The following MYOM1 variants were observed in gnomAD, a reference collection of about 807,000 sequenced individuals.
MYOM1 encodes the protein myomesin-1.
A neutral mutation model predicts 205.3 loss-of-function variants in MYOM1; 164 were observed. That is an observed-to-expected ratio of 0.80 (90% CI 0.70 to 0.91). The LOEUF is 0.91. MYOM1 is among the 40% of genes least tolerant of loss of function. The probability of loss-of-function intolerance (pLI) is 0.00; values close to 1 mark genes in which losing one functional copy is unlikely to be tolerated. For synonymous variants in MYOM1, 772 were observed against 789.4 expected (o/e 0.98, Z 0.37); for missense variants, 2,011 against 2,127.3 (o/e 0.95, Z 1.08).
chr18:3,169,071 G>T, intron 8 of MYOM1, 90 bp from the exon 9 acceptor site: 1 of 725,088 alleles, frequency 1.4e-6, no homozygotes, highest in Non-Finnish European at 1.9e-6. Context: ...AGCAGTCACA[G>T]CAAAAAAAAA....
intron 5 of MYOM1, 22 bp from the exon 6 acceptor site, chr18:3,176,156 A>G (rs1394858542): frequency 1.4e-6 from 2 of 1,445,322 alleles, no homozygotes; most frequent in South Asian, 2.3e-5. Context: ...TGGAAACAAA[A>G]TGAAGTAAGT....
chr18:3,123,369 G>A (rs1363712637), intron 19 of MYOM1, among the ~76,000 whole-genome samples: 3 of 151,806 alleles, frequency 2.0e-5, no homozygotes, highest in Non-Finnish European at 4.4e-5. Context: ...CTCTTTACTA[G>A]CAATAAAAAC....
chr18:3,192,006 T>C (rs1260058647), intron 3 of MYOM1, among the ~76,000 whole-genome samples: 5 of 152,176 alleles, frequency 3.3e-5, no homozygotes, highest in Non-Finnish European at 7.3e-5. Context: ...TCACGTCTTC[T>C]TTTATCACAG....
At chr18:3,245,467 A>C in the MYOM1 span, among the ~76,000 whole-genome samples, 1 of 152,248 alleles carries the variant, frequency 6.6e-6, no homozygotes, top group Admixed American at 6.5e-5. Flanking sequence ...CATAGGGTCC[A>C]AAGGATAGAA....
chr18:3,102,733 G>T, intron 22 of MYOM1, 103 bp from the exon 23 acceptor site: 1 of 1,230,770 alleles, frequency 8.1e-7, no homozygotes, highest in Non-Finnish European at 1.1e-6. Flanking sequence ...GTAGGGCCCT[G>T]ATCCTAGGTC....
At chr18:3,127,282 C>CAT (rs1241920775) in intron 18 of MYOM1, among the ~76,000 whole-genome samples, 716 of 59,452 alleles carry the variant, frequency 0.012, 27 homozygotes, top group Middle Eastern at 0.092. Flanking sequence ...TCAGAATTTC[C>CAT]ATATATATAT....
the MYOM1 span, among the ~76,000 whole-genome samples, chr18:3,242,692 A>G: frequency 6.6e-6 from 1 of 152,052 alleles, no homozygotes; most frequent in African/African-American, 2.4e-5. Flanking sequence ...TATTTTTAGT[A>G]GAGATGGGGT....
chr18:3,116,704 A>G (rs2079612003), intron 20 of MYOM1, among the ~76,000 whole-genome samples, 189 bp from the exon 21 acceptor site: 1 of 152,188 alleles, frequency 6.6e-6, no homozygotes, highest in Non-Finnish European at 1.5e-5. Flanking sequence ...ACATTAGCCC[A>G]CTGAGTCCCT....
At chr18:3,162,583 A>G (rs116693990) in intron 10 of MYOM1, among the ~76,000 whole-genome samples, 2,579 of 152,278 alleles carry the variant, frequency 0.017, 77 homozygotes, top group African/African-American at 0.058. Context: ...TGCCTCTACT[A>G]GATCTCTTCT....
Position 3,099,987 on chromosome 18 carries a change from A to T in MYOM1, c.3727+172T>A, listed in dbSNP as rs528971257. ...CTTGGTATCTCTGGAGAACAACCGC[A>T]AAGGAAAAGGCATCACTTCTAGAAA... is the stretch of plus-strand genomic sequence containing the variant. On this transcript the variant is annotated intron_variant, in intron 25 of 37. Coordinates refer to ENST00000356443, the MANE Select transcript of MYOM1 (RefSeq NM_003803.4). 3.9e-5 allele frequency among the ~76,000 whole-genome samples: 6 copies of T among 152,286 alleles called. No individual in the cohort carries two copies. The East Asian group carries it at 9.7e-4, about 25-fold the overall frequency.
rs146222497 is a variant in MYOM1 at position 3,176,860 on chromosome 18, C to T, written c.930-726G>A. Among the ~76,000 whole-genome samples, 117 of 151,408 alleles carry T rather than the reference C, an allele frequency of 7.7e-4. 1 individual carries two copies. The East Asian group carries it at 0.02, about 26-fold the overall frequency. On this transcript the variant is annotated intron_variant, in intron 5 of 37. Transcript: ENST00000356443. Reference sequence around the variant, plus strand: ...TTGTGCCACTGCACTCCAGCCTGGGCGACGGAGTGAGACTCCATCTCGAAA... The same window carrying T: ...TTGTGCCACTGCACTCCAGCCTGGGTGACGGAGTGAGACTCCATCTCGAAA...
In MYOM1 at chr18:3,179,012, T is replaced by A. The variant is rs987587513; in HGVS notation, c.930-2878A>T. Among the ~76,000 whole-genome samples, 9 of 152,054 alleles carry A rather than the reference T, an allele frequency of 5.9e-5. No homozygotes were observed. Among genetic ancestry groups the A allele is most frequent in the African/African-American group, 1.9e-4 (8 of 41,396 alleles). ...ACTACCAAGTAGCTGGGACTACAAG[T>A]GTGCACCACCACACTCAGCTAATTT... On this transcript the variant is annotated intron_variant, in intron 5 of 37. Transcript: ENST00000356443. This position sits in a 1 kb window ranked among gnomAD's most constrained non-coding sequence, Gnocchi z 4.4.
intron 2 of MYOM1, among the ~76,000 whole-genome samples, chr18:3,214,518 C>T (rs145688746): frequency 3.2e-4 from 49 of 152,232 alleles, no homozygotes; most frequent in African/African-American, 1.1e-3. Context: ...GCAGGGCTGC[C>T]GTATTTAAGA....
Position 3,135,885 on chromosome 18 carries a change from T to C in MYOM1, c.2026-155A>G, listed in dbSNP as rs2079952114. Among the ~76,000 whole-genome samples the C allele has an allele frequency of 6.6e-6, 1 of 152,140 alleles. No individual in the cohort carries two copies. The highest frequency in any genetic ancestry group is 1.5e-5 in the Non-Finnish European group (1 of 68,024). ...TGAGGAGGAAATAGGGGATGAGGCA[T>C]CTGAAGTTCGTAGGATTCTCTAAAT... On this transcript the variant is annotated intron_variant, in intron 14 of 37. Transcript: ENST00000356443. The surrounding 1 kb of genome is among the most constrained non-coding windows in gnomAD (Gnocchi z 4.1).
intron 10 of MYOM1, among the ~76,000 whole-genome samples, chr18:3,163,289 A>T (rs2080420556): frequency 1.3e-5 from 2 of 152,208 alleles, no homozygotes; most frequent in African/African-American, 4.8e-5. Flanking sequence ...GATGGCTGGT[A>T]TCATTAGGAT....
chr18:3,088,466 G>A (rs2079181997), intron 29 of MYOM1, among the ~76,000 whole-genome samples: 1 of 152,102 alleles, frequency 6.6e-6, no homozygotes, highest in Non-Finnish European at 1.5e-5. Context: ...AGTAGACACT[G>A]GGGCACTTGG....
intron 34 of MYOM1, among the ~76,000 whole-genome samples, chr18:3,076,131 C>T (rs946011064): frequency 3.3e-5 from 5 of 152,018 alleles, no homozygotes; most frequent in African/African-American, 7.3e-5. Context: ...GGTGCAATCT[C>T]GGCTCACTGC....
At position 3,187,425 on chromosome 18, in the gene MYOM1, A is replaced by G. The variant is rs9953200; in HGVS notation, c.929+55T>C. On this transcript the variant is annotated intron_variant, in intron 5 of 37. Coordinates refer to ENST00000356443, the MANE Select transcript of MYOM1 (RefSeq NM_003803.4). ...TGGTTGTTCTGTGTGTTTCCACTAG[A>G]GGCGAACTTAACTTGGTGTAATGAA... The G allele has an allele frequency of 3.9e-3, 6,105 of 1,578,216 alleles. 188 individuals are homozygous for G. In the African/African-American group the frequency reaches 0.066, roughly 17 times the overall value.
At chr18:3,111,239 G>T (rs2143796958) in intron 22 of MYOM1, among the ~76,000 whole-genome samples, 1 of 149,702 alleles carries the variant, frequency 6.7e-6, no homozygotes, top group East Asian at 2.0e-4. Context: ...ACAGTGCCTG[G>T]CCTCCGGTGC....
Sources: allele counts gnomAD v4.1 joint callset (sites outside exome capture counted in the v4.1 genomes callset), GRCh38; gene constraint gnomAD v4.1.1; non-coding constraint Gnocchi (gnomAD v3.1); transcripts MANE v1.5; gene names NCBI Gene and HGNC (gene_info 2026-07-23, HGNC 2026-07-21).